The following RBFOX1 variants were observed in gnomAD, a reference collection of about 807,000 sequenced individuals.
RBFOX1 encodes RNA binding fox-1 homolog 1.
Under a neutral mutation model 57.7 loss-of-function variants are expected in RBFOX1, and 8 were observed. The ratio of observed to expected loss-of-function variants is 0.14; its 90% CI spans 0.08 to 0.25. RBFOX1 has a LOEUF of 0.25. RBFOX1 is among the 10% of genes least tolerant of loss of function. RBFOX1 has a pLI of 1.00. For missense variants in RBFOX1, 611 were observed against 548.5 expected, an observed-to-expected ratio of 1.11 and a Z score of -1.14; for synonymous variants, 326 against 222.4, an observed-to-expected ratio of 1.47 and a Z score of -4.15.
intron 3 of RBFOX1, among the ~76,000 whole-genome samples, chr16:7,022,036 C>CT (rs2039422369): frequency 1.8e-5 from 1 of 54,850 alleles, no homozygotes; most frequent in African/African-American, 7.7e-5. Context: ...CCCTTCCCCT[C>CT]CCCTTCCCCC....
rs553280774 is a variant in RBFOX1, at chr16:5,344,947, T to G, written c.219+104842T>G. 4.6e-5 allele frequency among the ~76,000 whole-genome samples: 7 copies of G among 152,306 alleles called. 1 individual carries two copies. In the South Asian group the frequency reaches 1.5e-3, roughly 32 times the overall value. On this transcript the variant is annotated intron_variant, in intron 1 of 2. Coordinates refer to the RBFOX1 transcript ENST00000585867. ...CACCAGACATCCAGGTCCCACCTTGTAAAATTCTTCTTTCCCGCAGTGTCT... is the reference window on the plus strand; with the variant it reads ...CACCAGACATCCAGGTCCCACCTTGGAAAATTCTTCTTTCCCGCAGTGTCT...
intron 2 of RBFOX1, among the ~76,000 whole-genome samples, chr16:5,587,800 G>T (rs748359328): frequency 1.1e-4 from 16 of 152,306 alleles, no homozygotes; most frequent in African/African-American, 3.6e-4. Context: ...AACAGCCAGA[G>T]AGTTCCTCAA....
In RBFOX1 at chr16:6,019,941, G is replaced by T. The variant is rs1317818120; in HGVS notation, c.-178G>T. On this transcript the variant is annotated 5_prime_UTR_variant, in exon 1 of 16. Transcript: ENST00000550418. This position sits in a 1 kb window ranked among gnomAD's most constrained non-coding sequence, Gnocchi z 4.2. ...GGGTGCAGAGAGCGCACGGGAATTC[G>T]GGGGTCTGGGGCCGAGAACGTGACC... 1 of 1,534,304 alleles carries T rather than the reference G, an allele frequency of 6.5e-7. No homozygotes were observed. Among genetic ancestry groups the T allele is most frequent in the Non-Finnish European group, 8.7e-7 (1 of 1,146,072 alleles).
Position 7,672,354 on chromosome 16 carries a change from C to G in RBFOX1, c.931-4420C>G, listed in dbSNP as rs1301108602. 4.6e-5 allele frequency among the ~76,000 whole-genome samples: 7 copies of G among 152,174 alleles called. No homozygotes were observed. In the East Asian group the frequency reaches 5.8e-4, roughly 13 times the overall value. Reference sequence around the variant, plus strand: ...AGTGAGAGTTGTAGGACATTACTTTCCCTATCTCTGCAATTCCCTTTTTTC... The same window carrying G: ...AGTGAGAGTTGTAGGACATTACTTTGCCTATCTCTGCAATTCCCTTTTTTC... On this transcript the variant is annotated intron_variant, in intron 13 of 15. Coordinates refer to ENST00000550418, the MANE Select transcript of RBFOX1 (RefSeq NM_018723.4).
intron 4 of RBFOX1, among the ~76,000 whole-genome samples, chr16:7,330,611 T>C (rs1183366804): frequency 6.6e-6 from 1 of 151,914 alleles, no homozygotes; most frequent in Non-Finnish European, 1.5e-5. Flanking sequence ...CTTCCTCAAG[T>C]TTGCTTATTG....
chr16:6,439,430 C>G (rs896050677), intron 2 of RBFOX1, among the ~76,000 whole-genome samples: 1 of 152,194 alleles, frequency 6.6e-6, no homozygotes, highest in Non-Finnish European at 1.5e-5. Flanking sequence ...TGTGCCTTAG[C>G]TCAGGCCTAG....
At chr16:6,558,268 A>G (rs1362552396) in intron 2 of RBFOX1, among the ~76,000 whole-genome samples, 1 of 152,146 alleles carries the variant, frequency 6.6e-6, no homozygotes, top group Admixed American at 6.5e-5. Context: ...AGAGGCAATC[A>G]GAGAAAGCAT....
At chr16:6,334,299 G>A (rs1398036340) in intron 2 of RBFOX1, among the ~76,000 whole-genome samples, 1 of 151,976 alleles carries the variant, frequency 6.6e-6, no homozygotes, top group Non-Finnish European at 1.5e-5. Flanking sequence ...CCTGAGCTCC[G>A]GAGTTTGAGA....
intron 5 of RBFOX1, among the ~76,000 whole-genome samples, chr16:7,554,057 T>C (rs1043543785): frequency 3.3e-5 from 5 of 152,094 alleles, no homozygotes; most frequent in Non-Finnish European, 5.9e-5. Context: ...TGCAGCGAAC[T>C]ATGATCGGAA....
rs1420921928 is a variant in RBFOX1 at position 5,577,973 on chromosome 16, GAC to G, written c.259-20927_259-20926del. Among the ~76,000 whole-genome samples, 15 of 34,268 alleles carry G rather than the reference GAC, an allele frequency of 4.4e-4. No homozygotes were observed. In the East Asian group the frequency reaches 0.17, roughly 381 times the overall value. 22.5% of individuals were successfully genotyped at this position (34,268 alleles called of 152,430 possible). A position where few individuals can be genotyped will look rare whatever the true frequency, so the allele number is the denominator to read the frequency against. On this transcript the variant is annotated intron_variant, in intron 2 of 2. Transcript: ENST00000585867. ...TCTGGGGTTTGAGGATTTCTTTTGA[GAC>G]AGAGTCTCTCTCTGTTGCCAGGCTG...
chr16:7,323,028 T>G (rs1430931211), intron 4 of RBFOX1, among the ~76,000 whole-genome samples: 1 of 152,164 alleles, frequency 6.6e-6, no homozygotes, highest in Non-Finnish European at 1.5e-5. Context: ...TCTCTGCTCT[T>G]TGGATTTGTA....
chr16:6,839,475 G>C (rs1485115500), intron 3 of RBFOX1, among the ~76,000 whole-genome samples: 1 of 152,148 alleles, frequency 6.6e-6, no homozygotes, highest in Non-Finnish European at 1.5e-5. Context: ...ACAGCTCTGG[G>C]CACAAATAGG....
intron 3 of RBFOX1, chr16:5,867,173 T>G (rs1284474194): frequency 2.4e-6 from 1 of 417,548 alleles, no homozygotes; most frequent in Non-Finnish European, 4.1e-6. Flanking sequence ...TGTGTGTGTG[T>G]GGTGTGTGTT....
intron 1 of RBFOX1, among the ~76,000 whole-genome samples, chr16:6,052,087 C>G (rs2095558001): frequency 1.3e-5 from 2 of 152,074 alleles, no homozygotes; most frequent in South Asian, 2.1e-4. Context: ...AAAATAAAAC[C>G]AAAACTGGTC....
At chr16:6,182,048 A>G (rs1334196505) in intron 1 of RBFOX1, among the ~76,000 whole-genome samples, 1 of 152,208 alleles carries the variant, frequency 6.6e-6, no homozygotes, top group Non-Finnish European at 1.5e-5. Context: ...TACAAGGAAG[A>G]CTGGGAAATG....
At chr16:7,213,973 CAG>C (rs1340991455) in intron 4 of RBFOX1, among the ~76,000 whole-genome samples, 9 of 151,994 alleles carry the variant, frequency 5.9e-5, no homozygotes, top group African/African-American at 2.2e-4. Context: ...CCGCAGAGCT[CAG>C]AATTAATTTC....
chr16:6,788,894 C>G (rs992739382), intron 3 of RBFOX1, among the ~76,000 whole-genome samples: 3 of 152,170 alleles, frequency 2.0e-5, no homozygotes, highest in African/African-American at 7.2e-5. Context: ...AGCTAACTCT[C>G]TGCTCTAAGA....
chr16:6,675,775 C>G (rs115835124), intron 3 of RBFOX1, among the ~76,000 whole-genome samples: 4,226 of 152,212 alleles, frequency 0.028, 200 homozygotes, highest in African/African-American at 0.096. Context: ...CTCACTACCA[C>G]AAGAACAGTA....
chr16:6,532,329 C>T (rs919564082), intron 2 of RBFOX1, among the ~76,000 whole-genome samples: 2 of 152,118 alleles, frequency 1.3e-5, no homozygotes, highest in East Asian at 1.9e-4. Flanking sequence ...ATCTCCATTC[C>T]CTTTTCATAG....
Sources: allele counts gnomAD v4.1 joint callset (sites outside exome capture counted in the v4.1 genomes callset), GRCh38; gene constraint gnomAD v4.1.1; non-coding constraint Gnocchi (gnomAD v3.1); transcripts MANE v1.5; gene names NCBI Gene and HGNC (gene_info 2026-07-23, HGNC 2026-07-21).